Variants in SOX5 observed in about 807,000 individuals in gnomAD.
SOX5 encodes transcription factor SOX-5.
Under a neutral mutation model 92.0 loss-of-function variants are expected in SOX5, and 9 were observed. The ratio of observed to expected loss-of-function variants is 0.10; its 90% CI spans 0.06 to 0.17. The LOEUF (loss-of-function observed/expected upper bound fraction) is 0.17, where lower values mean the gene tolerates loss of function less well. Among genes scored for constraint, SOX5 ranks in the 10% least tolerant of loss-of-function variants. The pLI, the probability that SOX5 is intolerant of heterozygous loss-of-function variation, is 1.00. For missense variants in SOX5, 642 were observed against 944.5 expected (o/e 0.68, Z 4.20); for synonymous variants, 344 against 336.3 (o/e 1.02, Z -0.25).
intron 3 of SOX5, among the ~76,000 whole-genome samples, chr12:23,807,878 C>T (rs1272985600): frequency 6.6e-6 from 1 of 151,916 alleles, no homozygotes; most frequent in Non-Finnish European, 1.5e-5. Context: ...GAACTCTTGA[C>T]CTCAAGTGAT....
chr12:23,782,006 T>A (rs933024198), intron 3 of SOX5, among the ~76,000 whole-genome samples: 2 of 150,582 alleles, frequency 1.3e-5, no homozygotes, highest in Admixed American at 1.3e-4. Flanking sequence ...GGATATACAC[T>A]TTTTTTTTAT....
At chr12:23,691,412 CTT>C (rs1333305617) in intron 6 of SOX5, among the ~76,000 whole-genome samples, 2 of 152,134 alleles carry the variant, frequency 1.3e-5, no homozygotes, top group Non-Finnish European at 2.9e-5. Context: ...GTTATTCTCT[CTT>C]TTCCTACTAT....
chr12:24,143,567 A>G (rs918350635), intron 4 of SOX5, among the ~76,000 whole-genome samples: 1 of 152,202 alleles, frequency 6.6e-6, no homozygotes, highest in Non-Finnish European at 1.5e-5. Flanking sequence ...AAAGAGCAAT[A>G]CTTAAACTCA....
At chr12:23,985,836 T>C (rs1950012940) in intron 4 of SOX5, among the ~76,000 whole-genome samples, 2 of 152,140 alleles carry the variant, frequency 1.3e-5, no homozygotes, top group Non-Finnish European at 2.9e-5. Context: ...CAGGGTTGTA[T>C]TCTTTTCTGG....
At chr12:23,657,752 A>T (rs1463476319) in intron 7 of SOX5, among the ~76,000 whole-genome samples, 1 of 152,168 alleles carries the variant, frequency 6.6e-6, no homozygotes, top group Non-Finnish European at 1.5e-5. Flanking sequence ...GTAATTCCAT[A>T]TTTTGAAGTC....
chr12:23,716,093 C>T (rs1044859164), intron 6 of SOX5, among the ~76,000 whole-genome samples: 6 of 152,030 alleles, frequency 3.9e-5, no homozygotes, highest in East Asian at 1.9e-4. Flanking sequence ...ATGCAACACA[C>T]GGGAAGTGTT....
At chr12:23,872,156 C>T (rs1264257227) in intron 2 of SOX5, among the ~76,000 whole-genome samples, 2 of 122,428 alleles carry the variant, frequency 1.6e-5, no homozygotes, top group Admixed American at 8.5e-5. Flanking sequence ...CGCCACCACG[C>T]CCGGCTAATT....
At chr12:23,889,835 T>C (rs1461302386) in intron 2 of SOX5, among the ~76,000 whole-genome samples, 1 of 152,150 alleles carries the variant, frequency 6.6e-6, no homozygotes, top group African/African-American at 2.4e-5. Flanking sequence ...AAAATCAAAC[T>C]AAGAGATTAT....
intron 4 of SOX5, among the ~76,000 whole-genome samples, chr12:24,089,714 T>C (rs555810385): frequency 6.6e-6 from 1 of 152,274 alleles, no homozygotes; most frequent in African/African-American, 2.4e-5. Flanking sequence ...TCCTCTCTGG[T>C]CTAAACACCA....
At chr12:24,439,078 T>G (rs1167517650) in intron 1 of SOX5, among the ~76,000 whole-genome samples, 1 of 152,142 alleles carries the variant, frequency 6.6e-6, no homozygotes, top group African/African-American at 2.4e-5. Context: ...ACCCCAACCT[T>G]CAGCAAAAAC....
In SOX5 at chr12:24,391,201, G is replaced by T. The variant is rs545126408; in HGVS notation, c.-250-22562C>A. Among the ~76,000 whole-genome samples, 3 of 152,052 alleles carry T rather than the reference G, an allele frequency of 2.0e-5. No homozygotes were observed. The South Asian group carries it at 6.2e-4, about 32-fold the overall frequency. On this transcript the variant is annotated intron_variant, in intron 1 of 4. Coordinates refer to the SOX5 transcript ENST00000446891. ...TGATGTTGAACATTTTTTCATGTTTGTTGGCTGCTTGTATGTCTTCTTTTG... is the reference window on the plus strand; with the variant it reads ...TGATGTTGAACATTTTTTCATGTTTTTTGGCTGCTTGTATGTCTTCTTTTG...
chr12:24,247,997 A>G lies in SOX5; in HGVS notation c.-77+29219T>C, dbSNP rs552316653. On this transcript the variant is annotated intron_variant, in intron 3 of 4. Transcript: ENST00000446891. ...GCTACTTTTTAAAAACACCAGAGAC[A>G]TTTTCTTTTAAGCTACTTCTTATAC... 4.7e-4 allele frequency among the ~76,000 whole-genome samples: 72 copies of G among 151,856 alleles called. 1 individual carries two copies. The highest frequency in any genetic ancestry group is 1.7e-3 in the African/African-American group (69 of 41,422).
At chr12:23,765,371 A>G (rs1222813005) in intron 3 of SOX5, among the ~76,000 whole-genome samples, 6 of 113,664 alleles carry the variant, frequency 5.3e-5, no homozygotes, top group Non-Finnish European at 7.4e-5. Flanking sequence ...TGTGAAGTCA[A>G]AAGTGTAAAA....
intron 1 of SOX5, among the ~76,000 whole-genome samples, chr12:24,467,892 T>C (rs191112554): frequency 7.9e-5 from 12 of 152,314 alleles, no homozygotes; most frequent in East Asian, 5.8e-4. Context: ...TGCCAACTAG[T>C]GGGCTACTTC....
chr12:23,989,560 C>T (rs1278985716), intron 4 of SOX5, among the ~76,000 whole-genome samples: 1 of 152,138 alleles, frequency 6.6e-6, no homozygotes, highest in Non-Finnish European at 1.5e-5. Context: ...TCCCAAAATT[C>T]ACAGGTTGAA....
At chr12:24,341,455 T>A (rs535207148) in intron 2 of SOX5, among the ~76,000 whole-genome samples, 1 of 152,316 alleles carries the variant, frequency 6.6e-6, no homozygotes, top group South Asian at 2.1e-4. Context: ...TCCACCTGGG[T>A]GACAGAACGA....
intron 4 of SOX5, among the ~76,000 whole-genome samples, chr12:24,129,090 T>C (rs1388031089): frequency 1.3e-5 from 2 of 152,214 alleles, no homozygotes; most frequent in Non-Finnish European, 2.9e-5. Flanking sequence ...TAACTTCACA[T>C]TGTGATTATA....
At chr12:23,830,760 T>C (rs954568875) in intron 3 of SOX5, among the ~76,000 whole-genome samples, 3 of 152,112 alleles carry the variant, frequency 2.0e-5, no homozygotes, top group African/African-American at 7.2e-5. Flanking sequence ...AAAATAGTAA[T>C]TAAAAAGTTG....
intron 13 of SOX5, among the ~76,000 whole-genome samples, chr12:23,539,738 A>T (rs1276041151): frequency 6.6e-6 from 1 of 152,228 alleles, no homozygotes; most frequent in African/African-American, 2.4e-5. Flanking sequence ...TTAACTCTTG[A>T]TAGTATAATT....
Sources: gnomAD v4.1 joint callset for allele counts (sites outside exome capture counted in the v4.1 genomes callset) on GRCh38, gnomAD v4.1.1 for gene constraint, MANE v1.5 for transcripts, NCBI Gene and HGNC (gene_info 2026-07-23, HGNC 2026-07-21) for gene names.